DLG2: variants seen among roughly 807,000 people sequenced by gnomAD.
DLG2 encodes disks large homolog 2.
Under a neutral mutation model 132.5 loss-of-function variants are expected in DLG2, and 45 were observed. The ratio of observed to expected loss-of-function variants is 0.34; its 90% CI spans 0.27 to 0.44. DLG2 has a LOEUF of 0.44. Ranked by LOEUF, DLG2 falls within the 20% of genes least tolerant of loss-of-function variation. DLG2 has a pLI of 1.00. For missense variants in DLG2, 1,045 were observed against 1,196.9 expected (o/e 0.87, Z 1.87); for synonymous variants, 424 against 419.6 (o/e 1.01, Z -0.13).
chr11:85,075,327 C>T (rs1032323733), intron 6 of DLG2, among the ~76,000 whole-genome samples: 2 of 151,936 alleles, frequency 1.3e-5, no homozygotes, highest in East Asian at 1.9e-4. Flanking sequence ...AGAAGACTTA[C>T]CTACATACTG....
intron 16 of DLG2, among the ~76,000 whole-genome samples, chr11:83,837,638 G>A (rs1297666893): frequency 7.8e-6 from 1 of 127,578 alleles, no homozygotes; most frequent in African/African-American, 3.0e-5. Flanking sequence ...AAGGGAGCAG[G>A]TTTTACTTGG....
rs567517726 is a variant in DLG2, at chr11:83,833,702, T to C, written c.1634A>G (p.Asp545Gly). The C allele has an allele frequency of 1.2e-6, 2 of 1,613,996 alleles. No individual in the cohort carries two copies. Among genetic ancestry groups the C allele is most frequent in the Non-Finnish European group, 1.7e-6 (2 of 1,180,000 alleles). Residue 545 changes from aspartate to glycine, a missense_variant, in exon 17 of 28, where the codon GAT becomes GGT. Transcript: ENST00000376104. ...GAAGGACACAAAAATACCTTCTCCA[T>C]CTTCCCCACCGACAATGTTGAAGCC... is the stretch of plus-strand genomic sequence containing the variant. ...GLGFNIVGGE[D>G]GEGIFVSFIL... is the part of the protein sequence containing the mutation.
intron 6 of DLG2, among the ~76,000 whole-genome samples, chr11:84,916,153 G>A (rs1308050630): frequency 6.6e-6 from 1 of 151,396 alleles, no homozygotes; most frequent in African/African-American, 2.4e-5. Flanking sequence ...AGACCATCCC[G>A]GCTAAAACGG....
rs2099568902 is a variant in DLG2, at chr11:84,598,603, GATA to G, written c.358-63875_358-63873del. Among the ~76,000 whole-genome samples, 6 of 152,122 alleles carry G rather than the reference GATA, an allele frequency of 3.9e-5. No individual in the cohort carries two copies. In the South Asian group the frequency reaches 1.2e-3, roughly 32 times the overall value. ...GTATGAAAGGAATTCCACCTCCTCT[GATA>G]ATATTTTAGTTACTATGTTTGTTAA... On this transcript the variant is annotated intron_variant, in intron 6 of 27. Coordinates refer to ENST00000376104, the MANE Select transcript of DLG2 (RefSeq NM_001142699.3).
intron 4 of DLG2, among the ~76,000 whole-genome samples, chr11:85,217,527 T>C (rs2082702338): frequency 6.6e-6 from 1 of 152,216 alleles, no homozygotes; most frequent in Non-Finnish European, 1.5e-5. Context: ...AAGATAACTT[T>C]GGAAATTCCA....
chr11:85,505,829 G>C (rs903312062), intron 3 of DLG2, among the ~76,000 whole-genome samples: 1 of 152,186 alleles, frequency 6.6e-6, no homozygotes, highest in Non-Finnish European at 1.5e-5. Flanking sequence ...GTAGAATCCA[G>C]CTGTGAATCC....
chr11:84,968,985 A>AGTATAT (rs767004081), intron 6 of DLG2, among the ~76,000 whole-genome samples: 1 of 151,878 alleles, frequency 6.6e-6, no homozygotes, highest in Non-Finnish European at 1.5e-5. Flanking sequence ...TGTGTAGAGC[A>AGTATAT]GTATATATAC....
chr11:84,622,025 G>C (rs1051139393), intron 6 of DLG2, among the ~76,000 whole-genome samples: 1 of 152,134 alleles, frequency 6.6e-6, no homozygotes, highest in African/African-American at 2.4e-5. Context: ...CAGTAAGTAA[G>C]TAAAAAGTTG....
Position 84,432,820 on chromosome 11 carries a change from C to T in DLG2, c.519+101750G>A, listed in dbSNP as rs528088834. On this transcript the variant is annotated intron_variant, in intron 7 of 27. Transcript: ENST00000376104. ...AATGGATTGCTTGAGTCCAGGAGTT[C>T]GAGACCAGCCTGGGCAACATGGTGA... is the stretch of plus-strand genomic sequence containing the variant. Among the ~76,000 whole-genome samples, 61 of 151,988 alleles carry T rather than the reference C, an allele frequency of 4.0e-4. 1 individual carries two copies. In the South Asian group the frequency reaches 0.011, roughly 26 times the overall value.
intron 21 of DLG2, among the ~76,000 whole-genome samples, chr11:83,489,102 G>GAGAC (rs1178803220): frequency 6.6e-6 from 1 of 151,920 alleles, no homozygotes; most frequent in Non-Finnish European, 1.5e-5. Context: ...CAATCACAAA[G>GAGAC]AGACAGTCAG....
chr11:85,592,471 G>A (rs1403797142), intron 3 of DLG2, among the ~76,000 whole-genome samples: 2 of 152,064 alleles, frequency 1.3e-5, no homozygotes, highest in Admixed American at 1.3e-4. Context: ...GCATTACCTA[G>A]GAAATGCCTC....
At chr11:83,992,089 C>T (rs1438084784) in intron 11 of DLG2, among the ~76,000 whole-genome samples, 1 of 152,112 alleles carries the variant, frequency 6.6e-6, no homozygotes, top group Admixed American at 6.6e-5. Context: ...AGGGAAGAAG[C>T]GTGGAACAAA....
chr11:84,592,066 C>A (rs752208000), intron 6 of DLG2, among the ~76,000 whole-genome samples: 17 of 152,070 alleles, frequency 1.1e-4, no homozygotes, highest in Non-Finnish European at 2.2e-4. Context: ...GTTGCCCAGG[C>A]TGGTCTTGAA....
chr11:84,738,628 C>T (rs555153739), intron 6 of DLG2, among the ~76,000 whole-genome samples: 1 of 152,182 alleles, frequency 6.6e-6, no homozygotes, highest in Non-Finnish European at 1.5e-5. Flanking sequence ...TTTAACAATT[C>T]CAAGTGTTGA....
intron 7 of DLG2, among the ~76,000 whole-genome samples, chr11:84,507,442 T>G (rs2099244599): frequency 1.3e-5 from 2 of 152,240 alleles, no homozygotes; most frequent in African/African-American, 4.8e-5. Flanking sequence ...GAAGTGCTAC[T>G]TTAAACATGA....
intron 6 of DLG2, among the ~76,000 whole-genome samples, chr11:84,662,347 T>A (rs1373542337): frequency 6.6e-6 from 1 of 151,980 alleles, no homozygotes; most frequent in African/African-American, 2.4e-5. Flanking sequence ...CAGCTAATGT[T>A]GTATTTTTAC....
At chr11:84,749,801 G>C (rs2065877851) in intron 6 of DLG2, among the ~76,000 whole-genome samples, 1 of 152,112 alleles carries the variant, frequency 6.6e-6, no homozygotes, top group Non-Finnish European at 1.5e-5. Flanking sequence ...AGGCCCTTTG[G>C]ATTCCCCCTG....
At chr11:85,507,722 T>C (rs1293947268) in intron 3 of DLG2, among the ~76,000 whole-genome samples, 1 of 152,160 alleles carries the variant, frequency 6.6e-6, no homozygotes, top group Non-Finnish European at 1.5e-5. Flanking sequence ...TTTGTGGTGT[T>C]CTCTGTATTT....
intron 3 of DLG2, among the ~76,000 whole-genome samples, chr11:85,535,410 T>A (rs2075514915): frequency 6.6e-6 from 1 of 152,064 alleles, no homozygotes; most frequent in Non-Finnish European, 1.5e-5. Flanking sequence ...ATAATGTCAG[T>A]GCGTAGCAGT....
Sources: gnomAD v4.1 joint callset for allele counts (sites outside exome capture counted in the v4.1 genomes callset) on GRCh38, gnomAD v4.1.1 for gene constraint, MANE v1.5 for transcripts, NCBI Gene and HGNC (gene_info 2026-07-23, HGNC 2026-07-21) for gene names.